The following SSH1 variants were observed in gnomAD, a reference collection of about 807,000 sequenced individuals.
SSH1 encodes the protein slingshot protein phosphatase 1.
SSH1 carries 43 observed loss-of-function variants against 79.7 expected under a neutral mutation model. The observed-to-expected ratio is 0.54, with a 90% CI of 0.42 to 0.70. SSH1 has a LOEUF of 0.70. SSH1 is among the 30% of genes least tolerant of loss of function. The pLI is 0.00. For synonymous variants in SSH1, 599 were observed against 538.3 expected (o/e 1.11, Z -1.56); for missense variants, 1,206 against 1,358.8 (o/e 0.89, Z 1.77).
chr12:108,841,349 A>C (rs750535107), intron 2 of SSH1, among the ~76,000 whole-genome samples: 1 of 152,256 alleles, frequency 6.6e-6, no homozygotes, highest in Non-Finnish European at 1.5e-5. Flanking sequence ...GTTCTTTTGA[A>C]GTCTAAGTAC....
chr12:108,814,087 G>A (rs949759693), intron 5 of SSH1, among the ~76,000 whole-genome samples: 2 of 152,160 alleles, frequency 1.3e-5, no homozygotes, highest in African/African-American at 4.8e-5. Flanking sequence ...TTCCAGGCAT[G>A]GTGGTGCATG....
intron 12 of SSH1, 38 bp from the exon 13 acceptor site, chr12:108,799,238 G>GAGA: frequency 6.4e-7 from 1 of 1,554,034 alleles, no homozygotes; most frequent in Admixed American, 1.8e-5. Context: ...AGAGATGGGG[G>GAGA]AGAAGCAGTG....
rs1334055494 is a variant in SSH1 at position 108,788,557 on chromosome 12, C to G, written c.2581G>C (p.Asp861His). ...LEASIPEESQ[D>H]PAALHELGPL... ...CCCAGCTCGTGGAGCGCGGCTGGAT[C>G]CTGGCTCTCCTCGGGGATGCTGGCC... Residue 861 changes from aspartate to histidine, a missense_variant, in exon 15 of 15, where the codon GAT becomes CAT. Coordinates refer to ENST00000326495, the MANE Select transcript of SSH1 (RefSeq NM_018984.4). 1 of 1,589,260 alleles carries G rather than the reference C, an allele frequency of 6.3e-7. No individual in the cohort carries two copies. Among genetic ancestry groups the G allele is most frequent in the South Asian group, 1.1e-5 (1 of 87,710 alleles).
chr12:108,793,477 C>T (rs1392168058), intron 13 of SSH1, among the ~76,000 whole-genome samples: 1 of 151,354 alleles, frequency 6.6e-6, no homozygotes, highest in Non-Finnish European at 1.5e-5. Context: ...TCACAGCAGC[C>T]TCAAACTCCT....
chr12:108,821,216 T>TACACACACAC (rs34074449), intron 3 of SSH1, among the ~76,000 whole-genome samples: 5 of 147,584 alleles, frequency 3.4e-5, no homozygotes, highest in Admixed American at 1.4e-4. Context: ...AGACCTCATC[T>TACACACACAC]ACACACACAC....
intron 6 of SSH1, among the ~76,000 whole-genome samples, chr12:108,810,692 C>G (rs78924531): frequency 0.026 from 4,019 of 152,368 alleles, 62 homozygotes; most frequent in Non-Finnish European, 0.042. Flanking sequence ...CTTTCCTATT[C>G]TGTTTCTTCC....
At chr12:108,828,415 G>GTT (rs1276172200) in intron 2 of SSH1, among the ~76,000 whole-genome samples, 2 of 152,166 alleles carry the variant, frequency 1.3e-5, no homozygotes, top group African/African-American at 4.8e-5. Flanking sequence ...TTAAGCAGCT[G>GTT]TTCTACTCAT....
At chr12:108,856,670 G>A (rs2039149410) in intron 1 of SSH1, among the ~76,000 whole-genome samples, 1 of 152,180 alleles carries the variant, frequency 6.6e-6, no homozygotes, top group Non-Finnish European at 1.5e-5. Context: ...GGCGGCAGGC[G>A]GGGAAACAAT....
chr12:108,826,834 C>G (rs1009831338), intron 2 of SSH1, among the ~76,000 whole-genome samples: 2 of 152,158 alleles, frequency 1.3e-5, no homozygotes, highest in African/African-American at 4.8e-5. Context: ...TGTCTGGGGC[C>G]AGGAAGCCCA....
At chr12:108,804,592 C>G (rs1175990192) in intron 10 of SSH1, among the ~76,000 whole-genome samples, 2 of 152,238 alleles carry the variant, frequency 1.3e-5, no homozygotes, top group East Asian at 1.9e-4. Flanking sequence ...TCAGCGGGAG[C>G]TCCGTGTCAG....
intron 7 of SSH1, among the ~76,000 whole-genome samples, chr12:108,808,860 G>T (rs1593054126): frequency 8.5e-6 from 1 of 118,098 alleles, no homozygotes; most frequent in Non-Finnish European, 1.6e-5. Flanking sequence ...TTGAGAGAGA[G>T]TCTCACTCCA....
intron 2 of SSH1, among the ~76,000 whole-genome samples, chr12:108,851,554 G>A (rs114117464): frequency 0.011 from 1,743 of 152,158 alleles, 34 homozygotes; most frequent in African/African-American, 0.04. Context: ...AGGAATACAT[G>A]ATATTAATAT....
chr12:108,788,243 C>G lies in SSH1; in HGVS notation c.2895G>C (p.Ala965=). The G allele has an allele frequency of 6.2e-7, 1 of 1,613,772 alleles. No individual in the cohort carries two copies. The highest frequency in any genetic ancestry group is 8.5e-7 in the Non-Finnish European group (1 of 1,180,012). Residue 965 remains alanine, a synonymous_variant, in exon 15 of 15, where the codon GCG becomes GCC. Coordinates refer to ENST00000326495, the MANE Select transcript of SSH1 (RefSeq NM_018984.4). The part of the protein sequence containing the change: ...TQEIETRLRL[A]GLTVSSPLKR... ...TCAGTGGGGAAGAGACGGTGAGGCC[C>G]GCCAGCCGGAGCCGGGTCTCAATCT...
rs1414365792 is a variant in SSH1, at chr12:108,798,988, G to A, written c.1349+12C>T. The A allele has an allele frequency of 6.2e-7, 1 of 1,611,376 alleles. No individual in the cohort carries two copies. Among genetic ancestry groups the A allele is most frequent in the South Asian group, 1.1e-5 (1 of 91,030 alleles). ...TCCGCCTGCCAACCCTTCTCTCCAG[G>A]CAGGCACCCACCTTGCATCCAAGAT... is the stretch of plus-strand genomic sequence containing the variant. On this transcript the variant is annotated intron_variant, in intron 13 of 14. Coordinates refer to ENST00000326495, the MANE Select transcript of SSH1 (RefSeq NM_018984.4).
chr12:108,829,020 G>A (rs11834324), intron 2 of SSH1, among the ~76,000 whole-genome samples: 408 of 152,234 alleles, frequency 2.7e-3, no homozygotes, highest in African/African-American at 9.0e-3. Flanking sequence ...GGTGACTGCC[G>A]CGCTTTAAGG....
intron 5 of SSH1, among the ~76,000 whole-genome samples, chr12:108,812,794 C>T (rs1394429086): frequency 6.6e-6 from 1 of 152,088 alleles, no homozygotes; most frequent in Non-Finnish European, 1.5e-5. Flanking sequence ...GAGTTTCCAG[C>T]AGTCCTACAA....
chr12:108,819,051 G>T (rs1020957865), intron 3 of SSH1, among the ~76,000 whole-genome samples: 1 of 152,080 alleles, frequency 6.6e-6, no homozygotes, highest in African/African-American at 2.4e-5. Context: ...ACCCCACCCA[G>T]GCCCCACTTC....
At chr12:108,805,919 G>A (rs2037247215) in intron 9 of SSH1, among the ~76,000 whole-genome samples, 1 of 152,092 alleles carries the variant, frequency 6.6e-6, no homozygotes, top group Non-Finnish European at 1.5e-5. Context: ...AAATAAGTCT[G>A]CTGTCTCTTC....
At position 108,788,536 on chromosome 12, in the gene SSH1, G is replaced by A. The variant is rs764139672; in HGVS notation, c.2602C>T (p.Leu868=). The part of the protein sequence containing the change: ...ESQDPAALHE[L]GPLVMPSQAG... ...TGGCTGGGCATAACCAGGGGGCCCA[G>A]CTCGTGGAGCGCGGCTGGATCCTGG... Residue 868 remains leucine (L), a synonymous_variant, in exon 15 of 15, where the codon CTG becomes TTG. Coordinates refer to ENST00000326495, the MANE Select transcript of SSH1 (RefSeq NM_018984.4). 5 of 1,570,270 alleles carry A rather than the reference G, an allele frequency of 3.2e-6. No individual in the cohort carries two copies. Among genetic ancestry groups the A allele is most frequent in the Non-Finnish European group, 4.3e-6 (5 of 1,158,170 alleles).
Sources: gnomAD v4.1 joint callset for allele counts (sites outside exome capture counted in the v4.1 genomes callset) on GRCh38, gnomAD v4.1.1 for gene constraint, MANE v1.5 for transcripts, NCBI Gene and HGNC (gene_info 2026-07-23, HGNC 2026-07-21) for gene names.